C12orf54: variants seen among roughly 807,000 people sequenced by gnomAD.
C12orf54 encodes chromosome 12 open reading frame 54.
C12orf54 carries 24 observed loss-of-function variants against 26.4 expected under a neutral mutation model. The observed-to-expected ratio is 0.91, with a 90% CI of 0.66 to 1.28. The LOEUF (loss-of-function observed/expected upper bound fraction) is 1.28, where lower values mean the gene tolerates loss of function less well. Among genes scored for constraint, C12orf54 ranks in the 50% most tolerant of loss-of-function variants. C12orf54 has a pLI of 0.00. For synonymous variants in C12orf54, 54 were observed against 47.0 expected, an observed-to-expected ratio of 1.15 and a Z score of -0.61; for missense variants, 154 against 150.9, an observed-to-expected ratio of 1.02 and a Z score of -0.11.
the C12orf54 span, among the ~76,000 whole-genome samples, chr12:48,420,891 A>G: frequency 3.9e-5 from 6 of 152,180 alleles, no homozygotes; most frequent in African/African-American, 1.4e-4. Flanking sequence ...TATGGTACAT[A>G]TTGATGGATG....
intron 6 of C12orf54, among the ~76,000 whole-genome samples, chr12:48,491,843 A>AC (rs1202187541): frequency 6.6e-6 from 1 of 152,112 alleles, no homozygotes; most frequent in African/African-American, 2.4e-5. Flanking sequence ...TATACAAATC[A>AC]CCTGGGTCCC....
At chr12:48,490,760 C>A (rs1592203259) in intron 5 of C12orf54, 52 bp from the exon 6 acceptor site, 1 of 1,604,492 alleles carries the variant, frequency 6.2e-7, no homozygotes. Flanking sequence ...CAGTGCAGGT[C>A]TGCAGGAGAC....
chr12:48,468,156 A>C, the C12orf54 span, among the ~76,000 whole-genome samples: 1 of 152,228 alleles, frequency 6.6e-6, no homozygotes. Context: ...TTAGGTATTT[A>C]TAATGTCCAG....
chr12:48,420,574 G>A, the C12orf54 span, among the ~76,000 whole-genome samples: 1 of 152,094 alleles, frequency 6.6e-6, no homozygotes, highest in Non-Finnish European at 1.5e-5. Flanking sequence ...GAAGGAGAAA[G>A]CATCTCTATC....
intron 8 of C12orf54, among the ~76,000 whole-genome samples, chr12:48,495,334 A>G (rs1937889268): frequency 6.6e-6 from 1 of 152,208 alleles, no homozygotes; most frequent in Non-Finnish European, 1.5e-5. Context: ...TTTAAAATAC[A>G]TTAATAAATG....
At chr12:48,461,559 A>C in the C12orf54 span, among the ~76,000 whole-genome samples, 1 of 151,902 alleles carries the variant, frequency 6.6e-6, no homozygotes, top group Non-Finnish European at 1.5e-5. Flanking sequence ...TAAGCAATTA[A>C]ATTATAAATC....
At chr12:48,469,808 C>A in the C12orf54 span, among the ~76,000 whole-genome samples, 1 of 152,158 alleles carries the variant, frequency 6.6e-6, no homozygotes, top group Admixed American at 6.5e-5. Flanking sequence ...GTGGTTTCAG[C>A]CAGTCCCTCT....
At chr12:48,486,328 G>A in intron 3 of C12orf54, 120 bp downstream of exon 3, 1 of 1,014,412 alleles carries the variant, frequency 9.9e-7, no homozygotes, top group Non-Finnish European at 1.5e-6. Context: ...GGGACAGGGT[G>A]CCCTTGACTG....
At chr12:48,441,283 C>T in the C12orf54 span, among the ~76,000 whole-genome samples, 1 of 152,102 alleles carries the variant, frequency 6.6e-6, no homozygotes, top group African/African-American at 2.4e-5. Flanking sequence ...TGTCAGAGTG[C>T]TGCATGCAAA....
At chr12:48,442,052 C>G in the C12orf54 span, 19,886 of 152,500 alleles carry the variant, frequency 0.13, 2,618 homozygotes, top group East Asian at 0.67. Context: ...TCTCAATGTT[C>G]TTCTCACAGC....
chr12:48,474,192 T>C, the C12orf54 span, among the ~76,000 whole-genome samples: 15 of 152,376 alleles, frequency 9.8e-5, no homozygotes, highest in Admixed American at 9.8e-4. Context: ...TGCTTTGTTT[T>C]ACAAAAATGA....
chr12:48,438,612 C>T, the C12orf54 span, among the ~76,000 whole-genome samples: 1 of 152,170 alleles, frequency 6.6e-6, no homozygotes, highest in Non-Finnish European at 1.5e-5. Flanking sequence ...ATATCTACAA[C>T]TATCTGATCT....
At chr12:48,438,480 C>A in the C12orf54 span, among the ~76,000 whole-genome samples, 1 of 152,202 alleles carries the variant, frequency 6.6e-6, no homozygotes, top group Non-Finnish European at 1.5e-5. Flanking sequence ...AAGCTGGAGG[C>A]ATCACGCTAC....
At chr12:48,488,777 A>C in intron 4 of C12orf54, 147 bp from the exon 5 acceptor site, 1 of 683,880 alleles carries the variant, frequency 1.5e-6, no homozygotes, top group Non-Finnish European at 2.5e-6. Flanking sequence ...ATTTATTGCT[A>C]GCGCTACAAA....
chr12:48,447,627 T>G, the C12orf54 span, among the ~76,000 whole-genome samples: 1 of 152,142 alleles, frequency 6.6e-6, no homozygotes, highest in African/African-American at 2.4e-5. Context: ...ACCACTATCC[T>G]AAAGTTAGAA....
At chr12:48,442,218 TGAGG>T in the C12orf54 span, 2 of 202,890 alleles carry the variant, frequency 9.9e-6, no homozygotes, top group Middle Eastern at 5.3e-4. Context: ...ATCACTGCAG[TGAGG>T]TGGGAGGAGC....
chr12:48,483,532 A>C (rs2137084687), intron 2 of C12orf54, 171 bp downstream of exon 2: 1 of 577,288 alleles, frequency 1.7e-6, no homozygotes, highest in Non-Finnish European at 3.1e-6. Context: ...TTAATGAAAG[A>C]GATAATAGCA....
At chr12:48,496,066 G>A (rs537200686) in intron 8 of C12orf54, 115 bp from the exon 9 acceptor site, 1 of 152,372 alleles carries the variant, frequency 6.6e-6, no homozygotes, top group South Asian at 2.1e-4. Flanking sequence ...CATGAGGGTA[G>A]AAGCGTCACC....
At chr12:48,462,289 T>C in the C12orf54 span, among the ~76,000 whole-genome samples, 21,902 of 151,444 alleles carry the variant, frequency 0.14, 2,791 homozygotes, top group East Asian at 0.66. Flanking sequence ...TTTAGGCCCA[T>C]ATGGCTTTAC....
Sources: allele counts gnomAD v4.1 joint callset (sites outside exome capture counted in the v4.1 genomes callset), GRCh38; gene constraint gnomAD v4.1.1; transcripts MANE v1.5; gene names NCBI Gene and HGNC (gene_info 2026-07-23, HGNC 2026-07-21).